The following PDE6A variants were observed in gnomAD, a reference collection of about 807,000 sequenced individuals.
PDE6A encodes the protein phosphodiesterase 6A.
In PDE6A, 84 loss-of-function variants were observed where a neutral mutation model predicts 106.3. That is an observed-to-expected ratio of 0.79 (90% CI 0.66 to 0.95). The LOEUF is 0.95. Among genes scored for constraint, PDE6A ranks in the 40% least tolerant of loss-of-function variants. The probability of loss-of-function intolerance (pLI) is 0.00; values close to 1 mark genes in which losing one functional copy is unlikely to be tolerated. For synonymous variants in PDE6A, 394 were observed against 386.6 expected (o/e 1.02, Z -0.23); for missense variants, 1,052 against 1,084.9 (o/e 0.97, Z 0.43).
At chr5:149,931,862 G>A (rs1259048970) in intron 3 of PDE6A, among the ~76,000 whole-genome samples, 2 of 152,210 alleles carry the variant, frequency 1.3e-5, no homozygotes, top group Admixed American at 1.3e-4. Flanking sequence ...TTTTAAGCAG[G>A]TGTTACCTCC....
At chr5:149,902,121 C>T (rs1254367742) in intron 8 of PDE6A, among the ~76,000 whole-genome samples, 1 of 152,176 alleles carries the variant, frequency 6.6e-6, no homozygotes, top group East Asian at 1.9e-4. Flanking sequence ...TGTGCCTTTC[C>T]AGGCCCTGCA....
Position 149,859,132 on chromosome 5 carries a change from A to G in PDE6A, c.*1763T>C, listed in dbSNP as rs891903963. 2.0e-5 allele frequency: 3 copies of G among 152,092 alleles called. No homozygotes were observed. Among genetic ancestry groups the G allele is most frequent in the Non-Finnish European group, 2.9e-5 (2 of 68,006 alleles). The allele number at this position is 152,092 out of a possible 1,614,324, so 9.4% of individuals were successfully genotyped here. A position where few individuals can be genotyped will look rare whatever the true frequency, so the allele number is the denominator to read the frequency against. ...GAGCCACCGCGCCCGGCCAACATCT[A>G]TCTTTTTAAACCAACAGAATGCCTG... On this transcript the variant is annotated 3_prime_UTR_variant, in exon 22 of 22. Coordinates refer to ENST00000255266, the MANE Select transcript of PDE6A (RefSeq NM_000440.3).
intron 8 of PDE6A, among the ~76,000 whole-genome samples, chr5:149,901,708 G>A (rs1752986546): frequency 6.6e-6 from 1 of 152,164 alleles, no homozygotes; most frequent in African/African-American, 2.4e-5. Flanking sequence ...TGTGGTTGTG[G>A]TCAGGTTAGC....
At chr5:149,936,875 G>A (rs1754201273) in intron 1 of PDE6A, among the ~76,000 whole-genome samples, 1 of 152,158 alleles carries the variant, frequency 6.6e-6, no homozygotes, top group African/African-American at 2.4e-5. Flanking sequence ...CATCCATTCA[G>A]TTAGCATTAT....
In PDE6A at chr5:149,867,830, G is replaced by A. The variant is rs202098417; in HGVS notation, c.2200-31C>T. On this transcript the variant is annotated intron_variant, in intron 18 of 21. Coordinates refer to ENST00000255266, the MANE Select transcript of PDE6A (RefSeq NM_000440.3). ...ACAGACAGACCCTCACACACGCAGA[G>A]TCAGAGCCCCAGCCCAATCCCCTAC... is the stretch of plus-strand genomic sequence containing the variant. 349 of 1,601,926 alleles carry A rather than the reference G, an allele frequency of 2.2e-4. 2 individuals carry two copies. The Admixed American group carries it at 5.8e-3, about 26-fold the overall frequency.
intron 4 of PDE6A, among the ~76,000 whole-genome samples, chr5:149,925,706 C>CAAA (rs36003503): frequency 2.5e-4 from 25 of 102,014 alleles, no homozygotes; most frequent in South Asian, 7.1e-4. Flanking sequence ...GACTCTGTCT[C>CAAA]AAAAAAAAAA....
intron 8 of PDE6A, among the ~76,000 whole-genome samples, chr5:149,902,056 C>T (rs1170404823): frequency 1.3e-5 from 2 of 152,132 alleles, no homozygotes; most frequent in Non-Finnish European, 2.9e-5. Flanking sequence ...GACACGGAGA[C>T]AAGGATAATA....
intron 5 of PDE6A, among the ~76,000 whole-genome samples, chr5:149,915,494 A>G (rs1279738562): frequency 6.6e-6 from 1 of 152,162 alleles, no homozygotes; most frequent in African/African-American, 2.4e-5. Context: ...GCCTGGCCAT[A>G]AACTCCCTCC....
intron 19 of PDE6A, chr5:149,866,662 G>A: frequency 4.6e-6 from 1 of 216,154 alleles, no homozygotes; most frequent in Non-Finnish European, 9.4e-6. Flanking sequence ...CAGAAATTGG[G>A]GATTAGATGA....
At chr5:149,867,145 T>G (rs1581148326) in intron 19 of PDE6A, 1 of 186,214 alleles carries the variant, frequency 5.4e-6, no homozygotes, top group East Asian at 1.3e-4. Flanking sequence ...TCTCTCTCTT[T>G]TACCCATCCT....
Position 149,860,822 on chromosome 5 carries a change from G to C in PDE6A, c.*73C>G. On this transcript the variant is annotated 3_prime_UTR_variant, in exon 22 of 22. Coordinates refer to ENST00000255266, the MANE Select transcript of PDE6A (RefSeq NM_000440.3). ...GACTCTTCTACTTCTCAAGGTGTGT[G>C]GTCTTCCACTGGCTTGAGTCATCTC... is the stretch of plus-strand genomic sequence containing the variant. 1 of 1,210,852 alleles carries C rather than the reference G, an allele frequency of 8.3e-7. No homozygotes were observed. The highest frequency in any genetic ancestry group is 1.2e-5 in the South Asian group (1 of 82,042). The allele number at this position is 1,210,852 out of a possible 1,614,324, so 75.0% of individuals were successfully genotyped here.
At chr5:149,941,416 T>C (rs1156714640) in intron 1 of PDE6A, among the ~76,000 whole-genome samples, 2 of 152,046 alleles carry the variant, frequency 1.3e-5, no homozygotes, top group Non-Finnish European at 2.9e-5. Flanking sequence ...AAAACCAACA[T>C]CCAGAGAGGG....
intron 17 of PDE6A, among the ~76,000 whole-genome samples, chr5:149,869,860 G>C (rs1760473727): frequency 6.6e-6 from 1 of 151,930 alleles, no homozygotes; most frequent in Non-Finnish European, 1.5e-5. Context: ...AGGAGTGAGA[G>C]AAGGCTGGGG....
chr5:149,862,855 CAG>C (rs1166129889), intron 21 of PDE6A, among the ~76,000 whole-genome samples: 1 of 152,240 alleles, frequency 6.6e-6, no homozygotes, highest in African/African-American at 2.4e-5. Context: ...GCCCTAAAAT[CAG>C]AGTCTGTGCT....
rs754217838 is a variant in PDE6A at position 149,866,185 on chromosome 5, G to A, written c.2343C>T (p.Cys781=). The A allele has an allele frequency of 2.5e-6, 4 of 1,613,642 alleles. No individual in the cohort carries two copies. The highest frequency in any genetic ancestry group is 3.4e-6 in the Non-Finnish European group (4 of 1,179,532). ...KLQVGFIDFV[C]TFVYKEFSRF... is the part of the protein sequence containing the mutation. ...AAGGGCCTACCTTGTAGACGAAGGT[G>A]CAAACAAAGTCAATGAAGCCGACTT... Residue 781 remains cysteine (C), a synonymous_variant, in exon 20 of 22, where the codon TGC becomes TGT. Coordinates refer to ENST00000255266, the MANE Select transcript of PDE6A (RefSeq NM_000440.3).
chr5:149,940,414 T>A (rs1754296815), intron 1 of PDE6A, among the ~76,000 whole-genome samples: 1 of 152,048 alleles, frequency 6.6e-6, no homozygotes. Context: ...CATGCGCCCA[T>A]GTGGGAGCCC....
chr5:149,884,278 G>GTGTATATA (rs1368110363), intron 16 of PDE6A, among the ~76,000 whole-genome samples: 2 of 137,418 alleles, frequency 1.5e-5, no homozygotes, highest in African/African-American at 5.6e-5. Flanking sequence ...ATGTATATAT[G>GTGTATATA]TGTATATATG....
At chr5:149,885,385 T>C (rs975815889) in intron 14 of PDE6A, among the ~76,000 whole-genome samples, 1 of 152,198 alleles carries the variant, frequency 6.6e-6, no homozygotes, top group Non-Finnish European at 1.5e-5. Context: ...TTCTCATCTG[T>C]AAGTAGGGAT....
intron 6 of PDE6A, among the ~76,000 whole-genome samples, chr5:149,908,226 C>T (rs553718537): frequency 2.0e-5 from 3 of 152,324 alleles, no homozygotes; most frequent in African/African-American, 7.2e-5. Context: ...TCTATCCATT[C>T]AACTGTTGGT....
Sources: gnomAD v4.1 joint callset for allele counts (sites outside exome capture counted in the v4.1 genomes callset) on GRCh38, gnomAD v4.1.1 for gene constraint, MANE v1.5 for transcripts, NCBI Gene and HGNC (gene_info 2026-07-23, HGNC 2026-07-21) for gene names.